Variants in FOXJ3 observed in about 807,000 individuals in gnomAD.
FOXJ3 encodes forkhead box protein J3.
Under a neutral mutation model 76.1 loss-of-function variants are expected in FOXJ3, and 22 were observed. That is an observed-to-expected ratio of 0.29 (90% CI 0.21 to 0.41). FOXJ3 has a LOEUF of 0.41. Ranked by LOEUF, FOXJ3 falls within the 10% of genes least tolerant of loss-of-function variation. FOXJ3 has a pLI of 1.00. For synonymous variants in FOXJ3, 269 were observed against 261.2 expected (o/e 1.03, Z -0.29); for missense variants, 613 against 762.1 (o/e 0.80, Z 2.30).
intron 2 of FOXJ3, among the ~76,000 whole-genome samples, chr1:42,299,649 C>T (rs969937096): frequency 2.0e-5 from 3 of 151,704 alleles, no homozygotes; most frequent in Admixed American, 1.3e-4. Context: ...GGCTAATGCC[C>T]GTAATCCTAG....
intron 5 of FOXJ3, among the ~76,000 whole-genome samples, chr1:42,225,336 T>C (rs1041695907): frequency 3.3e-5 from 5 of 152,194 alleles, no homozygotes; most frequent in Non-Finnish European, 7.3e-5. Flanking sequence ...CTAGGCATTT[T>C]CTTAGATAAA....
At chr1:42,322,959 A>T (rs551247596) in intron 1 of FOXJ3, among the ~76,000 whole-genome samples, 143 of 152,236 alleles carry the variant, frequency 9.4e-4, no homozygotes, top group Admixed American at 5.3e-3. Context: ...ATATAGAATT[A>T]AAAAATATCA....
intron 2 of FOXJ3, among the ~76,000 whole-genome samples, chr1:42,286,406 A>G (rs1234063229): frequency 5.9e-5 from 9 of 152,234 alleles, no homozygotes; most frequent in Non-Finnish European, 1.3e-4. Context: ...TTGGAATCCA[A>G]GTTCTTCCCT....
intron 2 of FOXJ3, among the ~76,000 whole-genome samples, chr1:42,289,861 A>C (rs1653305331): frequency 6.6e-6 from 1 of 152,256 alleles, no homozygotes; most frequent in South Asian, 2.1e-4. Context: ...AAGTGCACTA[A>C]GGTTCAAAGA....
chr1:42,290,930 C>A (rs748454570), intron 2 of FOXJ3, among the ~76,000 whole-genome samples: 16 of 151,888 alleles, frequency 1.1e-4, no homozygotes, highest in Non-Finnish European at 1.8e-4. Context: ...GGACTTAGAC[C>A]GTCAGATTTC....
chr1:42,285,081 T>G (rs1221631377), intron 2 of FOXJ3, among the ~76,000 whole-genome samples: 1 of 152,240 alleles, frequency 6.6e-6, no homozygotes, highest in Non-Finnish European at 1.5e-5. Context: ...CTGGTTTATT[T>G]TCAATCTTTT....
At chr1:42,246,590 A>C (rs1031766437) in intron 4 of FOXJ3, among the ~76,000 whole-genome samples, 1 of 152,096 alleles carries the variant, frequency 6.6e-6, no homozygotes, top group African/African-American at 2.4e-5. Flanking sequence ...GTGGGAATGT[A>C]AATTAGTACA....
intron 1 of FOXJ3, among the ~76,000 whole-genome samples, chr1:42,313,670 G>A (rs1259320962): frequency 1.3e-5 from 2 of 152,152 alleles, no homozygotes; most frequent in African/African-American, 4.8e-5. Flanking sequence ...CCTGGGAAAT[G>A]GGGTGTGGCT....
chr1:42,256,762 T>TA (rs1361230822), intron 4 of FOXJ3, among the ~76,000 whole-genome samples: 2 of 152,230 alleles, frequency 1.3e-5, no homozygotes, highest in Non-Finnish European at 2.9e-5. Context: ...ACAGAAAACT[T>TA]GTTTAAGAAT....
chr1:42,226,119 G>A (rs1379020184), intron 5 of FOXJ3, among the ~76,000 whole-genome samples: 1 of 151,928 alleles, frequency 6.6e-6, no homozygotes, highest in East Asian at 1.9e-4. Context: ...TTCAAATTCT[G>A]GCAACAGATG....
intron 5 of FOXJ3, 87 bp downstream of exon 5, chr1:42,227,796 A>T: frequency 1.6e-6 from 1 of 618,226 alleles, no homozygotes; most frequent in Admixed American, 2.8e-5. Flanking sequence ...TTATAGTTAC[A>T]TGTGCTAGAC....
intron 2 of FOXJ3, among the ~76,000 whole-genome samples, chr1:42,288,200 TAA>T (rs1481159729): frequency 6.6e-6 from 1 of 152,216 alleles, no homozygotes; most frequent in African/African-American, 2.4e-5. Context: ...TGAGTAGTTG[TAA>T]AGATTGATGA....
At chr1:42,312,227 C>T (rs959750646) in intron 1 of FOXJ3, among the ~76,000 whole-genome samples, 8 of 152,046 alleles carry the variant, frequency 5.3e-5, no homozygotes, top group African/African-American at 1.9e-4. Flanking sequence ...GATTTTTTAA[C>T]GTTTTAAAAA....
chr1:42,286,539 T>C (rs1213833547), intron 2 of FOXJ3, among the ~76,000 whole-genome samples: 1 of 152,208 alleles, frequency 6.6e-6, no homozygotes, highest in Non-Finnish European at 1.5e-5. Flanking sequence ...AGTTAATACA[T>C]ATAAAGCACT....
At chr1:42,274,658 T>C (rs1312349641) in intron 3 of FOXJ3, among the ~76,000 whole-genome samples, 1 of 152,188 alleles carries the variant, frequency 6.6e-6, no homozygotes, top group Non-Finnish European at 1.5e-5. Flanking sequence ...ATGATGGCAC[T>C]TAGTATAGTG....
chr1:42,251,706 A>ATTTTTTTTTTTTTTTTTTTTTTTTT (rs1168120638), intron 4 of FOXJ3, among the ~76,000 whole-genome samples: 1 of 87,566 alleles, frequency 1.1e-5, no homozygotes, highest in African/African-American at 4.9e-5. Context: ...GTTTGCCAGT[A>ATTTTTTTTTTTTTTTTTTTTTTTTT]TTTTTTTTTT....
At chr1:42,280,725 T>C (rs1223704117) in intron 2 of FOXJ3, among the ~76,000 whole-genome samples, 1 of 152,182 alleles carries the variant, frequency 6.6e-6, no homozygotes, top group Non-Finnish European at 1.5e-5. Context: ...GTAGTTTTGC[T>C]AAACATACCT....
intron 2 of FOXJ3, among the ~76,000 whole-genome samples, chr1:42,283,067 C>G (rs1474542222): frequency 6.6e-6 from 1 of 151,976 alleles, no homozygotes; most frequent in Non-Finnish European, 1.5e-5. Context: ...TTTCGTAAGA[C>G]AGAAAAAAGT....
chr1:42,254,563 C>A (rs1170344141), intron 4 of FOXJ3, among the ~76,000 whole-genome samples: 1 of 147,788 alleles, frequency 6.8e-6, no homozygotes, highest in Non-Finnish European at 1.5e-5. Context: ...TTGGAACCAA[C>A]CCAAATGTCC....
Sources: allele counts gnomAD v4.1 joint callset (sites outside exome capture counted in the v4.1 genomes callset), GRCh38; gene constraint gnomAD v4.1.1; transcripts MANE v1.5; gene names NCBI Gene and HGNC (gene_info 2026-07-23, HGNC 2026-07-21).